POLR1A: variants seen among roughly 807,000 people sequenced by gnomAD.
POLR1A encodes RNA polymerase I subunit A, also known as DNA-directed RNA polymerase I subunit RPA1.
A neutral mutation model predicts 205.3 loss-of-function variants in POLR1A; 84 were observed. That is an observed-to-expected ratio of 0.41 (90% CI 0.34 to 0.49). POLR1A has a LOEUF of 0.49. POLR1A is among the 20% of genes least tolerant of loss of function. The pLI is 0.22. For synonymous variants in POLR1A, 799 were observed against 863.7 expected (o/e 0.93, Z 1.31); for missense variants, 1,645 against 2,204.5 (o/e 0.75, Z 5.08).
In POLR1A at chr2:86,028,930, A is replaced by G. The variant is rs1401595541; in HGVS notation, c.4780-219T>C. ...GGGGCCCAAGGTCTGTATCGTCATT[A>G]CAAGAATCCAGCGTGTCCACTTTGG... is the stretch of plus-strand genomic sequence containing the variant. On this transcript the variant is annotated intron_variant, in intron 31 of 33. Coordinates refer to ENST00000263857, the MANE Select transcript of POLR1A (RefSeq NM_015425.6). This position sits in a 1 kb window ranked among gnomAD's most constrained non-coding sequence, Gnocchi z 4.5. The G allele has an allele frequency of 1.9e-6, 1 of 536,674 alleles. No individual in the cohort carries two copies. The highest frequency in any genetic ancestry group is 3.4e-6 in the Non-Finnish European group (1 of 297,530). The allele number at this position is 536,674 out of a possible 1,614,324, so 33.2% of individuals were successfully genotyped here.
intron 4 of POLR1A, 70 bp from the exon 5 acceptor site, chr2:86,088,940 T>C (rs1411052214): frequency 7.8e-6 from 9 of 1,153,786 alleles, no homozygotes; most frequent in African/African-American, 1.5e-5. Flanking sequence ...ATTTACTTTA[T>C]GGTTTTCACC....
At chr2:86,071,654 C>G (rs543504138) in intron 12 of POLR1A, among the ~76,000 whole-genome samples, 1 of 152,228 alleles carries the variant, frequency 6.6e-6, no homozygotes, top group Non-Finnish European at 1.5e-5. Flanking sequence ...AAGATAACCA[C>G]TGCTCATACT....
intron 9 of POLR1A, among the ~76,000 whole-genome samples, chr2:86,078,841 G>A (rs1238454154): frequency 6.6e-6 from 1 of 152,208 alleles, no homozygotes; most frequent in Non-Finnish European, 1.5e-5. Flanking sequence ...TGATTGCCAA[G>A]TCTCATTGGA....
chr2:86,042,004 C>T lies in POLR1A; in HGVS notation c.3457G>A (p.Asp1153Asn). The change falls in exon 24 of 34, where the codon GAC becomes AAC. Residue 1153 changes from aspartate to asparagine, a missense_variant. Physicochemically the swap from Asp to Asn is conservative, Grantham distance 23. This residue lies in a region of POLR1A where 201 missense variants were observed against 222.3 expected (regional missense o/e 0.90). Coordinates refer to ENST00000263857, the MANE Select transcript of POLR1A (RefSeq NM_015425.6). ...TCTGACACTGATGCAAAGTAGATGT[C>T]AGGACGCCAGACAGACAGACTGGGG... ...PDPSLSVWRPDIYFASVSETF... is the reference protein window; with the variant it reads ...PDPSLSVWRPNIYFASVSETF... 1 of 1,614,186 alleles carries T rather than the reference C, an allele frequency of 6.2e-7. No homozygotes were observed. The highest frequency in any genetic ancestry group is 1.1e-5 in the South Asian group (1 of 91,088).
At chr2:86,032,460 C>G (rs950162991) in intron 28 of POLR1A, 78 bp from the exon 29 acceptor site, 2 of 1,033,514 alleles carry the variant, frequency 1.9e-6, no homozygotes, top group Non-Finnish European at 1.5e-6. Flanking sequence ...CACCCACCAA[C>G]CCATCCATCC....
At chr2:86,053,849 T>C (rs2104399800) in intron 15 of POLR1A, among the ~76,000 whole-genome samples, 1 of 152,348 alleles carries the variant, frequency 6.6e-6, no homozygotes, top group Middle Eastern at 3.4e-3. Context: ...CTCAGCAGTC[T>C]TGCAGGAAAA....
At chr2:86,042,746 G>A (rs1672636142) in intron 23 of POLR1A, among the ~76,000 whole-genome samples, 1 of 150,142 alleles carries the variant, frequency 6.7e-6, no homozygotes, top group African/African-American at 2.5e-5. Flanking sequence ...TGGGATCGCG[G>A]GGAACCCCGA....
intron 13 of POLR1A, 97 bp downstream of exon 13, chr2:86,069,921 G>A (rs1673146249): frequency 2.9e-6 from 4 of 1,374,724 alleles, no homozygotes; most frequent in Non-Finnish European, 3.9e-6. Context: ...CCCCTGTCCT[G>A]GAGCTGCCCA....
At chr2:86,094,757 T>G (rs965642743) in intron 3 of POLR1A, among the ~76,000 whole-genome samples, 2 of 152,238 alleles carry the variant, frequency 1.3e-5, no homozygotes, top group African/African-American at 4.8e-5. Flanking sequence ...TCCTTAAGTA[T>G]GTATTCGATC....
chr2:86,061,827 GA>G (rs35117798), intron 14 of POLR1A, among the ~76,000 whole-genome samples: 125,938 of 151,498 alleles, frequency 0.83, 52,782 homozygotes, highest in Non-Finnish European at 0.89. Flanking sequence ...TACCTTTGAC[GA>G]GGGGTAGAAA....
At chr2:86,027,669 T>C in intron 33 of POLR1A, 146 bp from the exon 34 acceptor site, 1 of 839,566 alleles carries the variant, frequency 1.2e-6, no homozygotes. Flanking sequence ...GCAGCCCCCC[T>C]CTAGCACTTG....
rs1232445528 is a variant in POLR1A at position 86,021,106 on chromosome 2, CAT to C, written c.*6315_*6316del. On this transcript the variant is annotated 3_prime_UTR_variant, in exon 34 of 34. Coordinates refer to ENST00000263857, the MANE Select transcript of POLR1A (RefSeq NM_015425.6). Reference sequence around the variant, plus strand: ...CTGAACGCACGTGGAACATCAGGTTCATGTTTCCAAGCAAGAATCATGGGTTG... The same window carrying C: ...CTGAACGCACGTGGAACATCAGGTTCGTTTCCAAGCAAGAATCATGGGTTG... 2 of 152,212 alleles carry C rather than the reference CAT, an allele frequency of 1.3e-5. No homozygotes were observed. The highest frequency in any genetic ancestry group is 2.9e-5 in the Non-Finnish European group (2 of 68,040). 9.4% of individuals were successfully genotyped at this position (152,212 alleles called of 1,614,324 possible).
Position 86,098,526 on chromosome 2 carries a change from G to A in POLR1A, c.432+85C>T, listed in dbSNP as rs990639249. On this transcript the variant is annotated intron_variant, in intron 3 of 33. Transcript: ENST00000263857. Reference sequence around the variant, plus strand: ...CAAACGTTCTGATGACTATCGGCATGGTAACTAGGACAACATACAAGCATC... The same window carrying A: ...CAAACGTTCTGATGACTATCGGCATAGTAACTAGGACAACATACAAGCATC... 5 of 1,363,644 alleles carry A rather than the reference G, an allele frequency of 3.7e-6. No homozygotes were observed. In the African/African-American group the frequency reaches 7.3e-5, roughly 20 times the overall value. 84.5% of individuals were successfully genotyped at this position (1,363,644 alleles called of 1,614,324 possible).
chr2:86,050,661 G>C (rs541111126), intron 16 of POLR1A, among the ~76,000 whole-genome samples: 69 of 152,318 alleles, frequency 4.5e-4, no homozygotes, highest in Non-Finnish European at 8.1e-4. Context: ...TGGCACCTTT[G>C]TTAAGTTTGT....
intron 21 of POLR1A, 64 bp from the exon 22 acceptor site, chr2:86,044,368 AG>A (rs1390561730): frequency 1.9e-6 from 3 of 1,578,556 alleles, no homozygotes; most frequent in Non-Finnish European, 2.6e-6. Flanking sequence ...GCCTCTGATG[AG>A]GGTTGGGGGC....
intron 14 of POLR1A, among the ~76,000 whole-genome samples, chr2:86,062,026 G>C (rs1408091211): frequency 6.6e-6 from 1 of 152,192 alleles, no homozygotes; most frequent in Non-Finnish European, 1.5e-5. Context: ...CCTTCGGTTT[G>C]TAAATAGAAA....
At chr2:86,090,703 G>A in intron 3 of POLR1A, among the ~76,000 whole-genome samples, 1 of 152,168 alleles carries the variant, frequency 6.6e-6, no homozygotes, top group East Asian at 1.9e-4. Flanking sequence ...CTCCCCAGGA[G>A]CCCTGGCCTT....
chr2:86,079,415 A>C (rs891052235), intron 9 of POLR1A, among the ~76,000 whole-genome samples: 2 of 152,202 alleles, frequency 1.3e-5, no homozygotes, highest in African/African-American at 2.4e-5. Flanking sequence ...AAGGGCTGCC[A>C]TGAGGATGGA....
intron 1 of POLR1A, among the ~76,000 whole-genome samples, chr2:86,103,871 G>A (rs1215636545): frequency 6.6e-6 from 1 of 152,198 alleles, no homozygotes; most frequent in Non-Finnish European, 1.5e-5. Context: ...ATGTTGGGTA[G>A]GGGACAGAGG....
Sources: gnomAD v4.1 joint callset for allele counts (sites outside exome capture counted in the v4.1 genomes callset) on GRCh38, gnomAD v4.1.1 for gene constraint, gnomAD v4.1.1 regional missense constraint, Gnocchi (gnomAD v3.1) non-coding constraint, MANE v1.5 for transcripts, NCBI Gene and HGNC (gene_info 2026-07-23, HGNC 2026-07-21) for gene names.